The following NCAM1 variants were observed in gnomAD, a reference collection of about 807,000 sequenced individuals.
NCAM1 encodes the protein neural cell adhesion molecule 1.
NCAM1 carries 14 observed loss-of-function variants against 109.8 expected under a neutral mutation model. That is an observed-to-expected ratio of 0.13 (90% CI 0.08 to 0.20). NCAM1 has a LOEUF of 0.20. Ranked by LOEUF, NCAM1 falls within the 10% of genes least tolerant of loss-of-function variation. The probability of loss-of-function intolerance (pLI) is 1.00; values close to 1 mark genes in which losing one functional copy is unlikely to be tolerated. For missense variants in NCAM1, 774 were observed against 1,109.9 expected (o/e 0.70, Z 4.30); for synonymous variants, 418 against 442.9 (o/e 0.94, Z 0.70).
At chr11:113,189,144 G>A (rs1483634771) in intron 1 of NCAM1, among the ~76,000 whole-genome samples, 3 of 152,058 alleles carry the variant, frequency 2.0e-5, no homozygotes, top group Non-Finnish European at 4.4e-5. Flanking sequence ...TGTCACCTTG[G>A]TAGGGAAGTT....
intron 14 of NCAM1, 113 bp downstream of exon 14, chr11:113,235,277 A>G (rs1310135220): frequency 6.2e-7 from 1 of 1,600,204 alleles, no homozygotes; most frequent in Non-Finnish European, 8.5e-7. Flanking sequence ...TTTGTCTTTC[A>G]GATCCCTCTG....
intron 15 of NCAM1, among the ~76,000 whole-genome samples, chr11:113,249,058 C>T (rs1945583828): frequency 6.6e-6 from 1 of 152,190 alleles, no homozygotes; most frequent in African/African-American, 2.4e-5. Context: ...ACCCCTCTGT[C>T]CATGTGCTGC....
chr11:113,170,079 G>T (rs925952803), intron 1 of NCAM1, among the ~76,000 whole-genome samples: 1 of 152,084 alleles, frequency 6.6e-6, no homozygotes, highest in African/African-American at 2.4e-5. Context: ...TTATATTTCT[G>T]TGGTGCTTTT....
At chr11:113,052,850 T>C (rs548141485) in intron 1 of NCAM1, among the ~76,000 whole-genome samples, 2 of 152,106 alleles carry the variant, frequency 1.3e-5, no homozygotes, top group Admixed American at 6.5e-5. Context: ...TCCCTCCCCT[T>C]ACCACCCACC....
At chr11:113,260,681 C>T (rs567682809) in intron 17 of NCAM1, among the ~76,000 whole-genome samples, 11 of 152,236 alleles carry the variant, frequency 7.2e-5, no homozygotes, top group Admixed American at 3.3e-4. Flanking sequence ...TGCCATCTGC[C>T]ACATCATACT....
intron 1 of NCAM1, among the ~76,000 whole-genome samples, chr11:113,167,674 G>A (rs559239688): frequency 6.6e-6 from 1 of 152,250 alleles, no homozygotes; most frequent in African/African-American, 2.4e-5. Context: ...GCTCCCTGTG[G>A]GGAGAAGTGA....
At chr11:113,217,958 T>C (rs1411191297) in intron 8 of NCAM1, among the ~76,000 whole-genome samples, 1 of 152,188 alleles carries the variant, frequency 6.6e-6, no homozygotes, top group East Asian at 1.9e-4. Flanking sequence ...CCCTGTGGCT[T>C]GAGAATGACT....
Position 113,040,700 on chromosome 11 carries a change from G to T in NCAM1, c.52+79036G>T, listed in dbSNP as rs567837826. 5.9e-5 allele frequency among the ~76,000 whole-genome samples: 9 copies of T among 152,338 alleles called. No homozygotes were observed. In the East Asian group the frequency reaches 1.7e-3, roughly 29 times the overall value. ...TTTAGAAACCATCAATACAGTAAATGATAGCCTCTGTCATTTATTTCCTCT... is the reference window on the plus strand; with the variant it reads ...TTTAGAAACCATCAATACAGTAAATTATAGCCTCTGTCATTTATTTCCTCT... On this transcript the variant is annotated intron_variant, in intron 1 of 19. Coordinates refer to ENST00000316851, the MANE Select transcript of NCAM1 (RefSeq NM_181351.5).
At chr11:113,164,708 G>A (rs1942723622) in intron 1 of NCAM1, among the ~76,000 whole-genome samples, 1 of 152,066 alleles carries the variant, frequency 6.6e-6, no homozygotes, top group Non-Finnish European at 1.5e-5. Flanking sequence ...GCCTTCTCTG[G>A]GTGCACCATC....
At chr11:113,200,696 G>A (rs1214529782) in intron 1 of NCAM1, among the ~76,000 whole-genome samples, 1 of 152,108 alleles carries the variant, frequency 6.6e-6, no homozygotes, top group African/African-American at 2.4e-5. Flanking sequence ...AGAATCAAGT[G>A]GCACCTGAAC....
In NCAM1 at chr11:113,251,111, G is replaced by C. The variant is rs1591459764; in HGVS notation, c.1828+4741G>C. Among the ~76,000 whole-genome samples, 3 of 152,284 alleles carry C rather than the reference G, an allele frequency of 2.0e-5. No individual in the cohort carries two copies. The East Asian group carries it at 5.8e-4, about 29-fold the overall frequency. On this transcript the variant is annotated intron_variant, in intron 15 of 19. Transcript: ENST00000316851. ...CCATTGTGCCCAGCCCCAGATAGAGGCTTTCTTGAGGATGCCTGTTTGGCA... is the reference window on the plus strand; with the variant it reads ...CCATTGTGCCCAGCCCCAGATAGAGCCTTTCTTGAGGATGCCTGTTTGGCA...
chr11:112,989,665 G>T (rs1389940722), intron 1 of NCAM1, among the ~76,000 whole-genome samples: 1 of 152,076 alleles, frequency 6.6e-6, no homozygotes, highest in African/African-American at 2.4e-5. Context: ...TCCTTTGGTG[G>T]CGTCATAATT....
intron 1 of NCAM1, among the ~76,000 whole-genome samples, chr11:113,112,531 C>T (rs918213579): frequency 1.3e-5 from 2 of 152,156 alleles, no homozygotes; most frequent in African/African-American, 2.4e-5. Context: ...ACCGTGCCAC[C>T]GTGTTTCCCA....
At chr11:113,145,906 G>A (rs113437679) in intron 1 of NCAM1, among the ~76,000 whole-genome samples, 24 of 152,248 alleles carry the variant, frequency 1.6e-4, no homozygotes, top group African/African-American at 5.3e-4. Context: ...AACAAGCATC[G>A]CCATAGAAAT....
intron 1 of NCAM1, among the ~76,000 whole-genome samples, chr11:113,052,573 G>A (rs782677570): frequency 1.4e-4 from 22 of 152,138 alleles, no homozygotes; most frequent in Non-Finnish European, 2.4e-4. Flanking sequence ...TAGTTAGCAT[G>A]ATTTGGCTTG....
At chr11:113,107,172 T>G (rs1338633507) in intron 1 of NCAM1, among the ~76,000 whole-genome samples, 1 of 152,104 alleles carries the variant, frequency 6.6e-6, no homozygotes, top group Non-Finnish European at 1.5e-5. Flanking sequence ...TATGGTGTAG[T>G]TGAGAAAGTT....
intron 1 of NCAM1, among the ~76,000 whole-genome samples, chr11:113,030,406 T>C (rs1409704606): frequency 6.6e-6 from 1 of 152,214 alleles, no homozygotes; most frequent in African/African-American, 2.4e-5. Context: ...GATAAGAGGA[T>C]CTAGCAGTCT....
chr11:113,139,640 A>G (rs745455796), intron 1 of NCAM1, among the ~76,000 whole-genome samples: 1 of 152,134 alleles, frequency 6.6e-6, no homozygotes, highest in African/African-American at 2.4e-5. Flanking sequence ...TTGGTATACT[A>G]CATTTGTTTT....
At chr11:113,115,629 C>T (rs898929861) in intron 1 of NCAM1, among the ~76,000 whole-genome samples, 1 of 152,186 alleles carries the variant, frequency 6.6e-6, no homozygotes, top group Admixed American at 6.5e-5. Context: ...TTGTTCTAGA[C>T]ATGAGAACAA....
Sources: gnomAD v4.1 joint callset for allele counts (sites outside exome capture counted in the v4.1 genomes callset) on GRCh38, gnomAD v4.1.1 for gene constraint, MANE v1.5 for transcripts, NCBI Gene and HGNC (gene_info 2026-07-23, HGNC 2026-07-21) for gene names.